NR3C2: variants seen among roughly 807,000 people sequenced by gnomAD.
NR3C2 encodes nuclear receptor subfamily 3 group C member 2.
NR3C2 carries 15 observed loss-of-function variants against 86.4 expected under a neutral mutation model. That is an observed-to-expected ratio of 0.17 (90% CI 0.12 to 0.27). The LOEUF (loss-of-function observed/expected upper bound fraction) is 0.27. Ranked by LOEUF, NR3C2 falls within the 10% of genes least tolerant of loss-of-function variation. The pLI, the probability that NR3C2 is intolerant of heterozygous loss-of-function variation, is 1.00. For missense variants in NR3C2, 960 were observed against 1,195.6 expected (o/e 0.80, Z 2.91); for synonymous variants, 458 against 450.5 (o/e 1.02, Z -0.21).
At chr4:148,082,384 T>C (rs1730604928) in intron 8 of NR3C2, among the ~76,000 whole-genome samples, 1 of 152,160 alleles carries the variant, frequency 6.6e-6, no homozygotes, top group South Asian at 2.1e-4. Flanking sequence ...TCATTTGGAC[T>C]GGTTAGACGG....
intron 8 of NR3C2, among the ~76,000 whole-genome samples, chr4:148,082,961 G>T (rs1362662713): frequency 6.6e-6 from 1 of 152,074 alleles, no homozygotes; most frequent in African/African-American, 2.4e-5. Context: ...GAGCCACCGG[G>T]AAGTTCCAAG....
upstream of NR3C2, chr4:148,444,131 G>T: frequency 1.0e-6 from 1 of 985,430 alleles, no homozygotes; most frequent in Non-Finnish European, 1.2e-6. Flanking sequence ...CGGCGGGCGG[G>T]AGCAAGGGGA....
intron 2 of NR3C2, among the ~76,000 whole-genome samples, chr4:148,344,244 A>C (rs901717672): frequency 1.3e-4 from 20 of 152,192 alleles, no homozygotes; most frequent in African/African-American, 4.8e-4. Flanking sequence ...CTTTCTGAAA[A>C]TACTCAAATG....
chr4:148,142,813 C>T (rs1733676333), intron 6 of NR3C2, among the ~76,000 whole-genome samples: 8 of 152,062 alleles, frequency 5.3e-5, no homozygotes, highest in Admixed American at 5.2e-4. Flanking sequence ...GGGTGGATTT[C>T]GAATCGATGG....
At chr4:148,386,769 C>G (rs540874165) in intron 2 of NR3C2, among the ~76,000 whole-genome samples, 1 of 152,224 alleles carries the variant, frequency 6.6e-6, no homozygotes, top group African/African-American at 2.4e-5. Flanking sequence ...GAAAGGACCA[C>G]AGAATGTTAA....
chr4:148,207,889 T>C (rs550832947), intron 3 of NR3C2: 1 of 152,342 alleles, frequency 6.6e-6, no homozygotes, highest in African/African-American at 2.4e-5. Flanking sequence ...TAATAACTAA[T>C]AATAACACAG....
At chr4:148,218,209 A>G (rs1737645144) in intron 3 of NR3C2, among the ~76,000 whole-genome samples, 1 of 152,236 alleles carries the variant, frequency 6.6e-6, no homozygotes, top group Non-Finnish European at 1.5e-5. Context: ...TACAGTTGAT[A>G]GCTGTTGCAT....
At chr4:148,136,153 G>T (rs940285108) in intron 6 of NR3C2, among the ~76,000 whole-genome samples, 2 of 151,236 alleles carry the variant, frequency 1.3e-5, no homozygotes, top group Non-Finnish European at 2.9e-5. Flanking sequence ...TCTCTCTCTG[G>T]AAAAGTCTGT....
chr4:148,224,498 A>G (rs1045371067), intron 3 of NR3C2, among the ~76,000 whole-genome samples: 2 of 152,238 alleles, frequency 1.3e-5, no homozygotes, highest in Non-Finnish European at 2.9e-5. Context: ...GCAGCATTAC[A>G]TTGTGGGGAC....
rs146131143 is a variant in NR3C2, at chr4:148,375,901, A to G, written c.1757+59203T>C. On this transcript the variant is annotated intron_variant, in intron 2 of 8. Coordinates refer to ENST00000358102, the MANE Select transcript of NR3C2 (RefSeq NM_000901.5). ...AAGACCAAAGTATTCTAAGATCACTATAAGTGAAACCAAGATAATATCTCT... is the reference window on the plus strand; with the variant it reads ...AAGACCAAAGTATTCTAAGATCACTGTAAGTGAAACCAAGATAATATCTCT... Among the ~76,000 whole-genome samples the G allele has an allele frequency of 2.1e-3, 317 of 152,314 alleles. 1 individual carries two copies. Among genetic ancestry groups the G allele is most frequent in the African/African-American group, 7.2e-3 (300 of 41,566 alleles).
intron 6 of NR3C2, among the ~76,000 whole-genome samples, chr4:148,131,534 T>A (rs1412510089): frequency 1.3e-5 from 2 of 152,206 alleles, no homozygotes; most frequent in East Asian, 3.8e-4. Context: ...TAATTTTTCC[T>A]CAACTGACAA....
chr4:148,326,945 T>C (rs1477827366), intron 2 of NR3C2, among the ~76,000 whole-genome samples: 1 of 152,176 alleles, frequency 6.6e-6, no homozygotes, highest in Non-Finnish European at 1.5e-5. Flanking sequence ...AAATATACTT[T>C]AAAAACATAA....
At chr4:148,372,901 TAGC>T (rs1327744910) in intron 2 of NR3C2, among the ~76,000 whole-genome samples, 1 of 152,212 alleles carries the variant, frequency 6.6e-6, no homozygotes, top group Non-Finnish European at 1.5e-5. Context: ...CCTCTCTTAC[TAGC>T]AGAGGAATTT....
At chr4:148,089,090 C>T (rs2149708179) in intron 8 of NR3C2, among the ~76,000 whole-genome samples, 1 of 152,274 alleles carries the variant, frequency 6.6e-6, no homozygotes, top group South Asian at 2.1e-4. Flanking sequence ...TTAAAAAACA[C>T]CCCATTAGCA....
intron 2 of NR3C2, among the ~76,000 whole-genome samples, chr4:148,265,928 T>C (rs981325566): frequency 3.3e-5 from 5 of 152,032 alleles, no homozygotes; most frequent in Non-Finnish European, 7.4e-5. Flanking sequence ...GGAACTTCTA[T>C]AGTCATGGCG....
chr4:148,316,774 T>C (rs1482785545), intron 2 of NR3C2, among the ~76,000 whole-genome samples: 2 of 152,116 alleles, frequency 1.3e-5, no homozygotes, highest in African/African-American at 2.4e-5. Flanking sequence ...CCTCCATTAG[T>C]TGTTTTTTCT....
chr4:148,169,539 T>C (rs1266237313), intron 4 of NR3C2, among the ~76,000 whole-genome samples: 1 of 151,300 alleles, frequency 6.6e-6, no homozygotes, highest in Non-Finnish European at 1.5e-5. Flanking sequence ...TATAAATATA[T>C]ATATATTCAT....
At chr4:148,130,794 T>TTTTTGTTTTGTTTTG (rs1190061685) in intron 6 of NR3C2, among the ~76,000 whole-genome samples, 1 of 114,306 alleles carries the variant, frequency 8.7e-6, no homozygotes, top group African/African-American at 3.4e-5. Flanking sequence ...CACGTTTTTT[T>TTTTTGTTTTGTTTTG]TTTTGTTTTG....
At chr4:148,272,777 A>G (rs1399113695) in intron 2 of NR3C2, among the ~76,000 whole-genome samples, 1 of 152,214 alleles carries the variant, frequency 6.6e-6, no homozygotes, top group Non-Finnish European at 1.5e-5. Flanking sequence ...AGAAAAGATG[A>G]AAAAGGTTTT....
Sources: allele counts gnomAD v4.1 joint callset (sites outside exome capture counted in the v4.1 genomes callset), GRCh38; gene constraint gnomAD v4.1.1; transcripts MANE v1.5; gene names NCBI Gene and HGNC (gene_info 2026-07-23, HGNC 2026-07-21).